GABRR2: variants seen among roughly 807,000 people sequenced by gnomAD.
The protein encoded by GABRR2 is gamma-aminobutyric acid receptor subunit rho-2.
GABRR2 carries 36 observed loss-of-function variants against 47.0 expected under a neutral mutation model. That is an observed-to-expected ratio of 0.77 (90% CI 0.59 to 1.01). The LOEUF (loss-of-function observed/expected upper bound fraction) is 1.01. GABRR2 is among the 50% of genes least tolerant of loss of function. The pLI, the probability that GABRR2 is intolerant of heterozygous loss-of-function variation, is 0.00. For synonymous variants in GABRR2, 204 were observed against 227.5 expected (o/e 0.90, Z 0.93); for missense variants, 587 against 594.6 (o/e 0.99, Z 0.13).
intron 2 of GABRR2, among the ~76,000 whole-genome samples, chr6:89,288,285 A>G (rs1315381568): frequency 6.6e-6 from 1 of 152,002 alleles, no homozygotes; most frequent in Non-Finnish European, 1.5e-5. Flanking sequence ...GACAAAAAAA[A>G]GGAGGGCTAG....
chr6:89,292,786 ACGATATATC>A lies in GABRR2; in HGVS notation c.220+6964_220+6972del, dbSNP rs1562379729. Among the ~76,000 whole-genome samples the A allele has an allele frequency of 3.3e-4, 30 of 91,750 alleles. 1 individual carries two copies. The highest frequency in any genetic ancestry group is 4.4e-4 in the Non-Finnish European group (19 of 43,556). The allele number at this position is 91,750 out of a possible 152,430, so 60.2% of individuals were successfully genotyped here. A position where few individuals can be genotyped will look rare whatever the true frequency, so the allele number is the denominator to read the frequency against. On this transcript the variant is annotated intron_variant, in intron 2 of 8. Transcript: ENST00000402938. ...ACGATATATCGTATATATCGTATAT[ACGATATATC>A]GTATATATCGTATATACGATATATC... is the stretch of plus-strand genomic sequence containing the variant.
At position 89,257,517 on chromosome 6, in the gene GABRR2, C is replaced by T; in HGVS notation, c.*153G>A. The T allele has an allele frequency of 1.5e-6, 1 of 659,058 alleles. No homozygotes were observed. Among genetic ancestry groups the T allele is most frequent in the Non-Finnish European group, 2.6e-6 (1 of 390,634 alleles). 40.8% of individuals were successfully genotyped at this position (659,058 alleles called of 1,614,324 possible). On this transcript the variant is annotated 3_prime_UTR_variant, in exon 9 of 9. Coordinates refer to ENST00000402938, the MANE Select transcript of GABRR2 (RefSeq NM_002043.5). ...CTGGGGTCAGGGCAGCTGGAAGGCT[C>T]CTGGGCTTCTCTGAGAGATGAGTGC...
At position 89,257,748 on chromosome 6, in the gene GABRR2, G is replaced by A. The variant is rs762352887; in HGVS notation, c.1320C>T (p.Ala440=). 4.3e-6 allele frequency: 7 copies of A among 1,613,798 alleles called. No homozygotes were observed. The highest frequency in any genetic ancestry group is 5.1e-6 in the Non-Finnish European group (6 of 1,179,832). ...TGFRIFQNTH[A]IDKYSRLIFP... is the part of the protein sequence containing the mutation. The stretch of plus-strand genomic sequence containing the variant: ...ATATCAACCTAGAGTATTTGTCAAT[G>A]GCATGGGTATTCTGGAAGATACGAA... Residue 440 remains alanine, a synonymous_variant, in exon 9 of 9, where the codon GCC becomes GCT. Transcript: ENST00000402938.
intron 1 of GABRR2, among the ~76,000 whole-genome samples, chr6:89,308,236 A>G (rs913764564): frequency 4.6e-5 from 7 of 152,210 alleles, no homozygotes; most frequent in Non-Finnish European, 8.8e-5. Context: ...CTTAAGTTTC[A>G]TTCCTCACCG....
In GABRR2 at chr6:89,255,175, G is replaced by A. The variant is rs186571944; in HGVS notation, c.*2495C>T. On this transcript the variant is annotated 3_prime_UTR_variant, in exon 9 of 9. Coordinates refer to ENST00000402938, the MANE Select transcript of GABRR2 (RefSeq NM_002043.5). ...TTTCTGGCCGGGTGTGGTGGCTCAC[G>A]CCTGTAATCACAGCACTTTGGGAGG... Among the ~76,000 whole-genome samples the A allele has an allele frequency of 2.2e-3, 334 of 152,242 alleles. 1 individual carries two copies. Among genetic ancestry groups the A allele is most frequent in the African/African-American group, 6.9e-3 (288 of 41,522 alleles).
intron 7 of GABRR2, among the ~76,000 whole-genome samples, chr6:89,265,262 G>A (rs538534315): frequency 1.1e-4 from 16 of 152,148 alleles, no homozygotes; most frequent in South Asian, 8.3e-4. Context: ...GTCTAAACAC[G>A]GCCAGCAAAT....
chr6:89,280,249 T>TAC (rs1774235990), intron 2 of GABRR2, among the ~76,000 whole-genome samples: 1 of 97,842 alleles, frequency 1.0e-5, no homozygotes, highest in African/African-American at 3.6e-5. Context: ...TATATATATA[T>TAC]ATATACATAC....
chr6:89,304,606 A>G (rs1234875188), intron 1 of GABRR2, among the ~76,000 whole-genome samples: 2 of 152,136 alleles, frequency 1.3e-5, no homozygotes, highest in East Asian at 3.9e-4. Flanking sequence ...AGAAAAAAAA[A>G]AAAAGAAAAA....
At chr6:89,277,589 A>G (rs1439581112) in intron 2 of GABRR2, among the ~76,000 whole-genome samples, 2 of 152,062 alleles carry the variant, frequency 1.3e-5, no homozygotes, top group African/African-American at 2.4e-5. Flanking sequence ...CTAGAAGCCC[A>G]ATGCCCACCA....
chr6:89,315,249 C>G lies in GABRR2; in HGVS notation c.-84G>C. 6.2e-7 allele frequency: 1 copy of G among 1,600,834 alleles called. No homozygotes were observed. ...CCCCCTGGCTTGACCATTGATCCAT[C>G]TGCTGCCTCCTGACGGGCTGCTCTG... On this transcript the variant is annotated 5_prime_UTR_variant, in exon 1 of 9. Coordinates refer to ENST00000402938, the MANE Select transcript of GABRR2 (RefSeq NM_002043.5).
chr6:89,278,193 A>G (rs1286066909), intron 2 of GABRR2, among the ~76,000 whole-genome samples: 2 of 152,346 alleles, frequency 1.3e-5, no homozygotes, highest in African/African-American at 2.4e-5. Flanking sequence ...CAATTCCAAA[A>G]CATACAAAGC....
chr6:89,267,021 A>G (rs1773913507), intron 6 of GABRR2, among the ~76,000 whole-genome samples: 1 of 113,328 alleles, frequency 8.8e-6, no homozygotes, highest in Non-Finnish European at 1.8e-5. Context: ...TTTTTTTGAG[A>G]CGGAGTATCA....
chr6:89,298,266 G>A (rs1774590990), intron 2 of GABRR2, among the ~76,000 whole-genome samples: 1 of 152,206 alleles, frequency 6.6e-6, no homozygotes, highest in South Asian at 2.1e-4. Flanking sequence ...CTTTTAAAAT[G>A]CATAGGCTTC....
At chr6:89,285,952 C>A (rs1774328933) in intron 2 of GABRR2, among the ~76,000 whole-genome samples, 1 of 151,924 alleles carries the variant, frequency 6.6e-6, no homozygotes, top group African/African-American at 2.4e-5. Context: ...TCGCCCGACT[C>A]CTCCTCTCCC....
intron 2 of GABRR2, among the ~76,000 whole-genome samples, chr6:89,292,846 GTATATATCATATATTATATATC>G (rs1424751147): frequency 1.4e-3 from 187 of 134,060 alleles, no homozygotes; most frequent in Non-Finnish European, 2.4e-3. Flanking sequence ...ACGATATATC[GTATATATCATATATTATATATC>G]TATATATCAT....
intron 4 of GABRR2, 91 bp downstream of exon 4, chr6:89,268,920 C>T: frequency 8.5e-7 from 1 of 1,170,786 alleles, no homozygotes; most frequent in Non-Finnish European, 1.3e-6. Flanking sequence ...CCCACAGACC[C>T]AACCGCAGTG....
chr6:89,260,183 A>AG (rs766422193), intron 8 of GABRR2, among the ~76,000 whole-genome samples: 6 of 152,150 alleles, frequency 3.9e-5, no homozygotes, highest in Admixed American at 2.0e-4. Context: ...CTGGGATTAG[A>AG]GGCATGCACC....
chr6:89,260,595 G>C (rs1227831194), intron 8 of GABRR2, among the ~76,000 whole-genome samples: 3 of 152,172 alleles, frequency 2.0e-5, no homozygotes, highest in Non-Finnish European at 4.4e-5. Flanking sequence ...GGCCTAACGG[G>C]TCCCAGGCAG....
intron 2 of GABRR2, among the ~76,000 whole-genome samples, chr6:89,296,051 A>T (rs956061318): frequency 6.6e-6 from 1 of 152,158 alleles, no homozygotes; most frequent in African/African-American, 2.4e-5. Flanking sequence ...TTCTAACTAG[A>T]AGCCTGTCAG....
Sources: allele counts gnomAD v4.1 joint callset (sites outside exome capture counted in the v4.1 genomes callset), GRCh38; gene constraint gnomAD v4.1.1; transcripts MANE v1.5; gene names NCBI Gene and HGNC (gene_info 2026-07-23, HGNC 2026-07-21).